Variants in NRCAM observed in about 807,000 individuals in gnomAD.
The protein encoded by NRCAM is NgCAM-related cell adhesion molecule.
A neutral mutation model predicts 156.5 loss-of-function variants in NRCAM; 83 were observed. The ratio of observed to expected loss-of-function variants is 0.53; its 90% confidence interval spans 0.44 to 0.64. The LOEUF (loss-of-function observed/expected upper bound fraction) is 0.64, where lower values mean the gene tolerates loss of function less well. Among genes scored for constraint, NRCAM ranks in the 30% least tolerant of loss-of-function variants. NRCAM has a pLI of 0.00. For synonymous variants in NRCAM, 538 were observed against 563.9 expected (o/e 0.95, Z 0.65); for missense variants, 1,417 against 1,597.3 (o/e 0.89, Z 1.92).
intron 13 of NRCAM, among the ~76,000 whole-genome samples, chr7:108,200,125 A>G (rs1381010877): frequency 1.3e-5 from 2 of 152,166 alleles, no homozygotes; most frequent in Admixed American, 6.5e-5. Context: ...CATCTTAGAT[A>G]CTCCAGGTTG....
chr7:108,436,658 T>G (rs1230415877), intron 1 of NRCAM, among the ~76,000 whole-genome samples: 1 of 152,226 alleles, frequency 6.6e-6, no homozygotes, highest in Non-Finnish European at 1.5e-5. Flanking sequence ...TTCAGCTCAC[T>G]GTTCACATCA....
upstream of NRCAM, chr7:108,456,589 A>C (rs889064395): frequency 6.6e-6 from 1 of 151,650 alleles, no homozygotes; most frequent in African/African-American, 2.4e-5. Flanking sequence ...CCTCCTGGCC[A>C]ACCCCCTCTT....
chr7:108,345,964 G>T (rs576361375), intron 2 of NRCAM, among the ~76,000 whole-genome samples: 3 of 152,310 alleles, frequency 2.0e-5, no homozygotes, highest in Admixed American at 2.0e-4. Flanking sequence ...ACTGCTGTGG[G>T]CTGTAGGAGC....
chr7:108,422,012 T>C (rs1057025955), intron 1 of NRCAM, among the ~76,000 whole-genome samples: 2 of 152,126 alleles, frequency 1.3e-5, no homozygotes, highest in African/African-American at 4.8e-5. Context: ...GTCAAAATAG[T>C]CAAAACAGGT....
rs1562949062 is a variant in NRCAM, at chr7:108,250,447, A to AAAAG, written c.-106-10281_-106-10278dup. 5.7e-3 allele frequency among the ~76,000 whole-genome samples: 740 copies of AAAAG among 128,842 alleles called. 50 individuals carry two copies. Among genetic ancestry groups the AAAAG allele is most frequent in the Non-Finnish European group, 6.8e-3 (425 of 62,802 alleles). The allele number at this position is 128,842 out of a possible 152,430, so 84.5% of individuals were successfully genotyped here. A position where few individuals can be genotyped will look rare whatever the true frequency, so the allele number is the denominator to read the frequency against. On this transcript the variant is annotated intron_variant, in intron 3 of 32. Transcript: ENST00000379028. Reference sequence around the variant, plus strand: ...CCTCAAAAAAAAAAAAAAAAAAAAAAAAAGAAAGAGAGAGATCCTGTCATT... The same window carrying AAAAG: ...CCTCAAAAAAAAAAAAAAAAAAAAAAAAAGAAAGAAAGAGAGAGATCCTGTCATT...
chr7:108,372,444 T>C (rs1409051299), intron 2 of NRCAM, among the ~76,000 whole-genome samples: 4 of 152,156 alleles, frequency 2.6e-5, no homozygotes, highest in Admixed American at 2.6e-4. Context: ...AGAAAGTATC[T>C]GCAAACCATT....
intron 30 of NRCAM, among the ~76,000 whole-genome samples, chr7:108,166,191 G>T (rs1232551501): frequency 6.6e-6 from 1 of 151,900 alleles, no homozygotes; most frequent in African/African-American, 2.4e-5. Flanking sequence ...GCTGACTGCA[G>T]GGTTCTGCTG....
chr7:108,154,989 A>G (rs2044117765), intron 32 of NRCAM, among the ~76,000 whole-genome samples: 1 of 151,720 alleles, frequency 6.6e-6, no homozygotes, highest in Non-Finnish European at 1.5e-5. Context: ...TAACTTTTTG[A>G]CATTGTATTC....
intron 1 of NRCAM, among the ~76,000 whole-genome samples, chr7:108,406,588 A>T (rs2099808082): frequency 6.6e-6 from 1 of 152,234 alleles, no homozygotes; most frequent in South Asian, 2.1e-4. Context: ...ACAACAGCCC[A>T]TATGCAGCAA....
chr7:108,231,846 G>A (rs2153736579), intron 7 of NRCAM, among the ~76,000 whole-genome samples: 1 of 152,098 alleles, frequency 6.6e-6, no homozygotes, highest in South Asian at 2.1e-4. Flanking sequence ...ATGCTCTTAA[G>A]GTTTTTGAGA....
At chr7:108,316,683 G>T (rs1346198499) in intron 2 of NRCAM, among the ~76,000 whole-genome samples, 1 of 151,958 alleles carries the variant, frequency 6.6e-6, no homozygotes, top group East Asian at 1.9e-4. Context: ...TACTCAGGAG[G>T]TTGAGGCAGA....
intron 3 of NRCAM, among the ~76,000 whole-genome samples, chr7:108,262,689 G>A (rs1328248528): frequency 2.0e-5 from 3 of 152,224 alleles, no homozygotes; most frequent in Non-Finnish European, 4.4e-5. Flanking sequence ...ACTCTTTTCT[G>A]GGGTCATTTC....
intron 1 of NRCAM, among the ~76,000 whole-genome samples, chr7:108,404,593 C>T (rs2099802169): frequency 6.6e-6 from 1 of 152,186 alleles, no homozygotes; most frequent in Admixed American, 6.5e-5. Context: ...GACCCATATG[C>T]AGGCAAAATG....
At chr7:108,330,471 G>A (rs557715082) in intron 2 of NRCAM, among the ~76,000 whole-genome samples, 2 of 152,236 alleles carry the variant, frequency 1.3e-5, no homozygotes, top group African/African-American at 2.4e-5. Context: ...CATTAAACAC[G>A]AAATGTTTCT....
intron 1 of NRCAM, among the ~76,000 whole-genome samples, chr7:108,438,042 AAAATT>A (rs1480996879): frequency 2.0e-5 from 3 of 151,620 alleles, no homozygotes; most frequent in Non-Finnish European, 4.4e-5. Context: ...AAAAAAAAAA[AAAATT>A]AATTAATTAA....
At chr7:108,442,895 G>A (rs1387542595) in intron 1 of NRCAM, among the ~76,000 whole-genome samples, 3 of 152,156 alleles carry the variant, frequency 2.0e-5, no homozygotes, top group East Asian at 1.9e-4. Flanking sequence ...AAGAAGCTGC[G>A]AGAATATGCA....
intron 28 of NRCAM, among the ~76,000 whole-genome samples, chr7:108,172,014 C>G (rs2058625805): frequency 6.6e-6 from 1 of 152,302 alleles, no homozygotes; most frequent in South Asian, 2.1e-4. Flanking sequence ...AATTGGTTGA[C>G]CATAGTAGGC....
At chr7:108,199,291 A>T (rs2076719758) in intron 13 of NRCAM, among the ~76,000 whole-genome samples, 1 of 152,232 alleles carries the variant, frequency 6.6e-6, no homozygotes, top group East Asian at 1.9e-4. Context: ...ACTGTAATAA[A>T]AATCAACCAA....
intron 3 of NRCAM, among the ~76,000 whole-genome samples, chr7:108,308,023 C>T (rs1466439728): frequency 6.6e-6 from 1 of 152,218 alleles, no homozygotes; most frequent in Admixed American, 6.5e-5. Flanking sequence ...TGGAGTATCT[C>T]ACCCATTAGG....
Sources: allele counts gnomAD v4.1 joint callset (sites outside exome capture counted in the v4.1 genomes callset), GRCh38; gene constraint gnomAD v4.1.1; transcripts MANE v1.5; gene names NCBI Gene and HGNC (gene_info 2026-07-23, HGNC 2026-07-21).